FOXJ3: variants seen among roughly 807,000 people sequenced by gnomAD.
The protein encoded by FOXJ3 is forkhead box protein J3.
In FOXJ3, 22 loss-of-function variants were observed where a neutral mutation model predicts 76.1. That is an observed-to-expected ratio of 0.29 (90% confidence interval 0.21 to 0.41). FOXJ3 has a LOEUF of 0.41. Among genes scored for constraint, FOXJ3 ranks in the 10% least tolerant of loss-of-function variants. The probability of loss-of-function intolerance (pLI) is 1.00; values close to 1 mark genes in which losing one functional copy is unlikely to be tolerated. For missense variants in FOXJ3, 613 were observed against 762.1 expected, an observed-to-expected ratio of 0.80 and a Z score of 2.30; for synonymous variants, 269 against 261.2, an observed-to-expected ratio of 1.03 and a Z score of -0.29.
chr1:42,310,981 T>C (rs1654770984), intron 2 of FOXJ3, 69 bp downstream of exon 2: 2 of 887,896 alleles, frequency 2.3e-6, no homozygotes, highest in East Asian at 5.3e-5. Flanking sequence ...TTCATTGTAA[T>C]ATGAGGTGAC....
chr1:42,187,879 G>A (rs1001620319), intron 11 of FOXJ3, among the ~76,000 whole-genome samples: 4 of 152,062 alleles, frequency 2.6e-5, no homozygotes, highest in African/African-American at 2.4e-5. Context: ...GCTATTCAAC[G>A]TGGAAGAAGA....
intron 5 of FOXJ3, among the ~76,000 whole-genome samples, chr1:42,227,176 A>G (rs1007474665): frequency 1.3e-5 from 2 of 152,252 alleles, no homozygotes; most frequent in African/African-American, 4.8e-5. Context: ...GGAAGAGAGT[A>G]AGCGAAGCTT....
intron 1 of FOXJ3, among the ~76,000 whole-genome samples, chr1:42,311,661 G>GTAGTAGTAGTAA (rs1654821301): frequency 6.6e-6 from 1 of 151,952 alleles, no homozygotes; most frequent in Non-Finnish European, 1.5e-5. Flanking sequence ...AGTAGTAGTA[G>GTAGTAGTAGTAA]TAGTAGTAGT....
chr1:42,285,820 C>T (rs997710867), intron 2 of FOXJ3, among the ~76,000 whole-genome samples: 5 of 152,220 alleles, frequency 3.3e-5, no homozygotes, highest in Non-Finnish European at 5.9e-5. Flanking sequence ...TTCCCATTAT[C>T]CTCTTTTCTG....
chr1:42,334,438 C>G (rs890794432), intron 1 of FOXJ3, among the ~76,000 whole-genome samples: 2 of 150,858 alleles, frequency 1.3e-5, no homozygotes, highest in African/African-American at 4.9e-5. Flanking sequence ...GGGAGACACT[C>G]TACCACGTGG....
chr1:42,216,334 C>A (rs1015487483), intron 5 of FOXJ3, among the ~76,000 whole-genome samples: 1 of 151,508 alleles, frequency 6.6e-6, no homozygotes. Context: ...CTGGCTAACA[C>A]GGTGAAACCC....
chr1:42,235,395 GCTGCACCCACTGTC>G (rs995463834), intron 4 of FOXJ3, among the ~76,000 whole-genome samples: 7 of 152,124 alleles, frequency 4.6e-5, no homozygotes, highest in Admixed American at 6.5e-5. Context: ...CGCTCGGTGC[GCTGCACCCACTGTC>G]CTGCACCCAC....
Position 42,335,206 on chromosome 1 carries a change from A to T in FOXJ3, c.-165T>A, listed in dbSNP as rs1298932655. On this transcript the variant is annotated 5_prime_UTR_variant, in exon 1 of 13. It introduces an in-frame stop codon into an upstream open reading frame of the 5' UTR. Coordinates refer to ENST00000361346, the MANE Select transcript of FOXJ3 (RefSeq NM_014947.5). ...AGCGGCGGCGGCAGCAAGAGCAGCC[A>T]ACATCCGGGGCCGCGCACCCGGAAC... The T allele has an allele frequency of 1.3e-5, 2 of 152,102 alleles. No homozygotes were observed. The highest frequency in any genetic ancestry group is 2.9e-5 in the Non-Finnish European group (2 of 68,054). The allele number at this position is 152,102 out of a possible 1,614,324, so 9.4% of individuals were successfully genotyped here.
intron 4 of FOXJ3, among the ~76,000 whole-genome samples, chr1:42,253,134 T>C (rs988874492): frequency 6.7e-6 from 1 of 150,134 alleles, no homozygotes; most frequent in African/African-American, 2.4e-5. Context: ...ACAAAATCAA[T>C]GTACAAAAAT....
At chr1:42,237,808 T>A (rs1648809771) in intron 4 of FOXJ3, among the ~76,000 whole-genome samples, 1 of 151,986 alleles carries the variant, frequency 6.6e-6, no homozygotes, top group African/African-American at 2.4e-5. Flanking sequence ...TGTATAAGTG[T>A]GTGATAAGGA....
intron 2 of FOXJ3, among the ~76,000 whole-genome samples, chr1:42,295,516 T>C (rs1222972508): frequency 6.8e-6 from 1 of 147,254 alleles, no homozygotes; most frequent in Non-Finnish European, 1.5e-5. Flanking sequence ...TGACTACAAG[T>C]GTCTTTTTTT....
Position 42,295,094 on chromosome 1 carries a change from A to G in FOXJ3, c.44+15956T>C, listed in dbSNP as rs182710023. 1.1e-4 allele frequency among the ~76,000 whole-genome samples: 16 copies of G among 152,318 alleles called. 1 individual carries two copies. The highest frequency in any genetic ancestry group is 3.6e-4 in the African/African-American group (15 of 41,572). ...AAAACTTTAGATTCAGGGGGTAAAC[A>G]TACATGTTTGTTACATGGGTATATT... On this transcript the variant is annotated intron_variant, in intron 2 of 12. Coordinates refer to ENST00000361346, the MANE Select transcript of FOXJ3 (RefSeq NM_014947.5).
At chr1:42,280,454 A>T (rs1168855480) in intron 2 of FOXJ3, 1 of 965,440 alleles carries the variant, frequency 1.0e-6, no homozygotes, top group African/African-American at 1.8e-5. Context: ...AAAAAAAAAA[A>T]AAAAAAAAAA....
intron 4 of FOXJ3, among the ~76,000 whole-genome samples, chr1:42,248,863 C>T (rs903574618): frequency 2.0e-5 from 3 of 150,048 alleles, no homozygotes; most frequent in Admixed American, 1.3e-4. Context: ...TTAAGCCCTG[C>T]ATATATTAGC....
At chr1:42,266,602 A>T (rs1276495316) in intron 3 of FOXJ3, among the ~76,000 whole-genome samples, 1 of 152,132 alleles carries the variant, frequency 6.6e-6, no homozygotes, top group Non-Finnish European at 1.5e-5. Context: ...AGAACCCCAG[A>T]CACGAGAAGT....
intron 12 of FOXJ3, 54 bp downstream of exon 12, chr1:42,181,863 G>GTT: frequency 9.1e-7 from 1 of 1,092,960 alleles, no homozygotes. Flanking sequence ...TTCCTGGAGT[G>GTT]CTCACACACA....
chr1:42,316,305 A>G (rs893715391), intron 1 of FOXJ3, among the ~76,000 whole-genome samples: 5 of 136,958 alleles, frequency 3.7e-5, no homozygotes, highest in Non-Finnish European at 7.8e-5. Flanking sequence ...AGTACCTGGG[A>G]CCACAGGTGC....
intron 9 of FOXJ3, among the ~76,000 whole-genome samples, chr1:42,189,966 C>T (rs1479373931): frequency 6.6e-6 from 1 of 152,030 alleles, no homozygotes; most frequent in Non-Finnish European, 1.5e-5. Context: ...CCAAGGCAAC[C>T]TTAGGAGAAA....
At chr1:42,326,296 C>T (rs902776766) in intron 1 of FOXJ3, among the ~76,000 whole-genome samples, 8 of 152,136 alleles carry the variant, frequency 5.3e-5, no homozygotes, top group Non-Finnish European at 1.2e-4. Flanking sequence ...CTCACTTGAA[C>T]CATAAAAATC....
Sources: allele counts gnomAD v4.1 joint callset (sites outside exome capture counted in the v4.1 genomes callset), GRCh38; gene constraint gnomAD v4.1.1; transcripts MANE v1.5; gene names NCBI Gene and HGNC (gene_info 2026-07-23, HGNC 2026-07-21).